CDKL4: variants seen among roughly 807,000 people sequenced by gnomAD.
CDKL4 encodes cyclin dependent kinase like 4, also known as cyclin-dependent kinase-like 4.
Under a neutral mutation model 42.0 loss-of-function variants are expected in CDKL4, and 44 were observed. The observed-to-expected ratio is 1.05, with a 90% confidence interval of 0.82 to 1.35. The LOEUF (loss-of-function observed/expected upper bound fraction) is 1.35, where lower values mean the gene tolerates loss of function less well. Among genes scored for constraint, CDKL4 ranks in the 40% most tolerant of loss-of-function variants. The pLI is 0.00. For synonymous variants in CDKL4, 120 were observed against 121.6 expected (o/e 0.99, Z 0.09); for missense variants, 393 against 369.9 (o/e 1.06, Z -0.51).
At chr2:39,196,182 G>A (rs1047221839) in intron 5 of CDKL4, among the ~76,000 whole-genome samples, 7 of 152,138 alleles carry the variant, frequency 4.6e-5, no homozygotes, top group South Asian at 2.1e-4. Context: ...AAACTAGTGC[G>A]CATAACAAAA....
intron 4 of CDKL4, among the ~76,000 whole-genome samples, chr2:39,212,694 C>G (rs980272836): frequency 6.6e-6 from 1 of 152,206 alleles, no homozygotes; most frequent in South Asian, 2.1e-4. Context: ...GGGTCTCACT[C>G]TGTTGTCCAG....
rs2148278165 is a variant in CDKL4 at position 39,179,093 on chromosome 2, T to C, written c.927+94A>G. On this transcript the variant is annotated intron_variant, in intron 9 of 9. Transcript: ENST00000451199. ...CAACTACACCAGTACAAATGAAAGGTCTTGGTGTCCACCTTGTCTCACTTT... is the reference window on the plus strand; with the variant it reads ...CAACTACACCAGTACAAATGAAAGGCCTTGGTGTCCACCTTGTCTCACTTT... The C allele has an allele frequency of 3.3e-6, 5 of 1,536,870 alleles. No individual in the cohort carries two copies. In the East Asian group the frequency reaches 6.7e-5, roughly 21 times the overall value.
chr2:39,234,693 ACTCTCTGAGCCTC>A (rs950550702), intron 1 of CDKL4, among the ~76,000 whole-genome samples: 5 of 152,136 alleles, frequency 3.3e-5, no homozygotes, highest in Admixed American at 6.5e-5. Flanking sequence ...TAAAGAGAAT[ACTCTCTGAGCCTC>A]CAGACAAAAA....
At chr2:39,185,265 CATATATATACACATAT>C (rs1558546743) in intron 7 of CDKL4, among the ~76,000 whole-genome samples, 265 of 19,324 alleles carry the variant, frequency 0.014, 73 homozygotes, top group South Asian at 0.068. Context: ...TGTATATATA[CATATATATACACATAT>C]GTATATATAC....
intron 3 of CDKL4, among the ~76,000 whole-genome samples, chr2:39,216,834 GAAGTAATTTCATAGGA>G (rs1274522655): frequency 6.6e-6 from 1 of 152,168 alleles, no homozygotes; most frequent in African/African-American, 2.4e-5. Context: ...AATGGAGAAT[GAAGTAATTTCATAGGA>G]AAGTAATTTC....
intron 1 of CDKL4, among the ~76,000 whole-genome samples, chr2:39,236,664 T>A (rs1372794389): frequency 6.6e-6 from 1 of 151,334 alleles, no homozygotes; most frequent in Non-Finnish European, 1.5e-5. Flanking sequence ...TCAACAAAAG[T>A]GAAGCTCTAG....
At chr2:39,209,924 T>G (rs1677487238) in intron 4 of CDKL4, among the ~76,000 whole-genome samples, 1 of 152,206 alleles carries the variant, frequency 6.6e-6, no homozygotes, top group Admixed American at 6.5e-5. Context: ...AAAAGGCAGA[T>G]ACACAAAGGC....
rs1456376248 is a variant in CDKL4, at chr2:39,185,185, TATATAC to T, written c.736-544_736-539del. On this transcript the variant is annotated intron_variant, in intron 7 of 9. Transcript: ENST00000451199. ...ACATATGTATATATATACATATGTG[TATATAC>T]ATATATATACACATACGTATATATA... 1.5e-4 allele frequency among the ~76,000 whole-genome samples: 15 copies of T among 100,404 alleles called. 1 individual carries two copies. The highest frequency in any genetic ancestry group is 3.1e-4 in the South Asian group (1 of 3,230). 65.9% of individuals were successfully genotyped at this position (100,404 alleles called of 152,430 possible). A position where few individuals can be genotyped will look rare whatever the true frequency, so the allele number is the denominator to read the frequency against.
At chr2:39,212,335 A>G (rs976714073) in intron 4 of CDKL4, among the ~76,000 whole-genome samples, 1 of 148,858 alleles carries the variant, frequency 6.7e-6, no homozygotes, top group Non-Finnish European at 1.5e-5. Flanking sequence ...CTGGGTTCAC[A>G]CCATTCTCCT....
chr2:39,210,284 C>A (rs572149142), intron 4 of CDKL4, among the ~76,000 whole-genome samples: 30 of 152,306 alleles, frequency 2.0e-4, no homozygotes, highest in African/African-American at 6.7e-4. Context: ...AGCCACCACA[C>A]CTAGCCTGAA....
the CDKL4 span, among the ~76,000 whole-genome samples, chr2:39,170,533 T>C: frequency 6.6e-6 from 1 of 152,072 alleles, no homozygotes; most frequent in African/African-American, 2.4e-5. Flanking sequence ...CTTGGCTCAC[T>C]GCGACCTCCA....
At chr2:39,188,584 A>C (rs1668580744) in intron 6 of CDKL4, among the ~76,000 whole-genome samples, 1 of 150,500 alleles carries the variant, frequency 6.6e-6, no homozygotes, top group South Asian at 2.1e-4. Flanking sequence ...AAAAAAAAAA[A>C]AAAAAAGACA....
intron 4 of CDKL4, among the ~76,000 whole-genome samples, chr2:39,207,899 C>T (rs578129057): frequency 3.3e-5 from 5 of 151,966 alleles, no homozygotes; most frequent in Admixed American, 1.3e-4. Flanking sequence ...GTCAGGAGTT[C>T]GAGACCAGCC....
intron 5 of CDKL4, among the ~76,000 whole-genome samples, chr2:39,201,153 G>T (rs1048185635): frequency 2.6e-5 from 4 of 151,942 alleles, no homozygotes; most frequent in African/African-American, 9.6e-5. Flanking sequence ...GTGGGCTAAG[G>T]ACATGAATAG....
intron 5 of CDKL4, among the ~76,000 whole-genome samples, chr2:39,202,558 C>T (rs796596332): frequency 4.6e-5 from 7 of 152,122 alleles, no homozygotes; most frequent in African/African-American, 1.7e-4. Flanking sequence ...ATCTATTTTT[C>T]CTTTTGTTGC....
At chr2:39,188,458 A>C (rs2148298228) in intron 6 of CDKL4, among the ~76,000 whole-genome samples, 1 of 144,324 alleles carries the variant, frequency 6.9e-6, no homozygotes, top group Non-Finnish European at 1.5e-5. Flanking sequence ...GCTACTTAGG[A>C]GGCTGAGGCA....
At chr2:39,185,223 TACACATAC>T (rs1457318872) in intron 7 of CDKL4, among the ~76,000 whole-genome samples, 1 of 22,476 alleles carries the variant, frequency 4.4e-5, no homozygotes, top group African/African-American at 9.9e-5. Flanking sequence ...TATACATATA[TACACATAC>T]GTATATATAC....
chr2:39,205,006 C>T (rs1008803246), intron 4 of CDKL4, among the ~76,000 whole-genome samples: 1 of 151,612 alleles, frequency 6.6e-6, no homozygotes. Context: ...CAATGAGACC[C>T]TGTCTCTACA....
At position 39,224,702 on chromosome 2, in the gene CDKL4, C is replaced by G. The variant is rs534688989; in HGVS notation, c.290+1137G>C. The stretch of plus-strand genomic sequence containing the variant: ...TCTTTTTAGTAGAGACAGGGGTTCA[C>G]CATGTTGGCCAGGCTTGTCTAGAAC... On this transcript the variant is annotated intron_variant, in intron 3 of 9. Transcript: ENST00000451199. 1.7e-4 allele frequency among the ~76,000 whole-genome samples: 26 copies of G among 152,036 alleles called. No homozygotes were observed. The South Asian group carries it at 2.1e-3, about 12-fold the overall frequency.
Sources: gnomAD v4.1 joint callset for allele counts (sites outside exome capture counted in the v4.1 genomes callset) on GRCh38, gnomAD v4.1.1 for gene constraint, MANE v1.5 for transcripts, NCBI Gene and HGNC (gene_info 2026-07-23, HGNC 2026-07-21) for gene names.